The following EPHA6 variants were observed in gnomAD, a reference collection of about 807,000 sequenced individuals.
The protein encoded by EPHA6 is EPH receptor A6, also known as ephrin type-A receptor 6.
In EPHA6, 50 loss-of-function variants were observed where a neutral mutation model predicts 112.0. The observed-to-expected ratio is 0.45, with a 90% CI of 0.36 to 0.56. The LOEUF (loss-of-function observed/expected upper bound fraction) is 0.56. Among genes scored for constraint, EPHA6 ranks in the 20% least tolerant of loss-of-function variants. The pLI, the probability that EPHA6 is intolerant of heterozygous loss-of-function variation, is 0.00. For synonymous variants in EPHA6, 529 were observed against 490.7 expected (o/e 1.08, Z -1.03); for missense variants, 1,280 against 1,417.4 (o/e 0.90, Z 1.56).
chr3:97,336,034 A>T (rs759745082), intron 5 of EPHA6, among the ~76,000 whole-genome samples: 1 of 152,148 alleles, frequency 6.6e-6, no homozygotes, highest in Non-Finnish European at 1.5e-5. Context: ...TCAAGCACGT[A>T]TCTTAAGTTT....
intron 5 of EPHA6, among the ~76,000 whole-genome samples, chr3:97,341,793 C>T (rs1034865738): frequency 6.6e-6 from 1 of 152,138 alleles, no homozygotes; most frequent in Non-Finnish European, 1.5e-5. Context: ...TCTTTCTCAA[C>T]GTACCTTTCC....
intron 1 of EPHA6, among the ~76,000 whole-genome samples, chr3:96,822,673 A>C (rs1343283441): frequency 2.6e-5 from 4 of 150,968 alleles, no homozygotes; most frequent in Non-Finnish European, 4.4e-5. Context: ...ATAAAAAGTA[A>C]GATACTTTAT....
intron 3 of EPHA6, among the ~76,000 whole-genome samples, chr3:97,150,077 G>A (rs1469624250): frequency 2.6e-5 from 4 of 151,830 alleles, no homozygotes; most frequent in African/African-American, 9.7e-5. Context: ...ATGAGCTTTG[G>A]TGTAGATGCA....
intron 5 of EPHA6, among the ~76,000 whole-genome samples, chr3:97,304,750 T>C (rs1170165349): frequency 6.6e-6 from 1 of 152,026 alleles, no homozygotes; most frequent in Non-Finnish European, 1.5e-5. Context: ...TAACTCAAGA[T>C]GGATTACAGA....
intron 5 of EPHA6, among the ~76,000 whole-genome samples, chr3:97,284,995 G>A (rs1228783911): frequency 6.6e-6 from 1 of 152,064 alleles, no homozygotes; most frequent in African/African-American, 2.4e-5. Context: ...ATTGGAACTA[G>A]TAGTTTTGGG....
intron 5 of EPHA6, among the ~76,000 whole-genome samples, chr3:97,341,699 C>A (rs2083312924): frequency 6.6e-6 from 1 of 152,050 alleles, no homozygotes; most frequent in Non-Finnish European, 1.5e-5. Context: ...ATATAAAATT[C>A]ATTCTTTATA....
Position 97,584,290 on chromosome 3 carries a change from C to G in EPHA6, c.2387-8322C>G, listed in dbSNP as rs569976358. ...GAGAATAAGACATACACAACTCATT[C>G]CTTATGCTTAAGAGTTCACAGCCTA... is the stretch of plus-strand genomic sequence containing the variant. On this transcript the variant is annotated intron_variant, in intron 11 of 17. Transcript: ENST00000389672. Among the ~76,000 whole-genome samples, 26 of 152,272 alleles carry G rather than the reference C, an allele frequency of 1.7e-4. No individual in the cohort carries two copies. In the South Asian group the frequency reaches 5.2e-3, roughly 30 times the overall value.
intron 10 of EPHA6, among the ~76,000 whole-genome samples, chr3:97,518,042 C>T (rs2092474674): frequency 6.6e-6 from 1 of 152,112 alleles, no homozygotes; most frequent in Non-Finnish European, 1.5e-5. Flanking sequence ...GTGAATAATG[C>T]TACAGTGAAC....
At chr3:96,927,080 G>A (rs942953807) in intron 2 of EPHA6, among the ~76,000 whole-genome samples, 4 of 152,196 alleles carry the variant, frequency 2.6e-5, no homozygotes, top group East Asian at 1.9e-4. Flanking sequence ...AGAGGTTCCC[G>A]AACCTTAATT....
At chr3:96,904,285 T>G (rs1267840017) in intron 2 of EPHA6, among the ~76,000 whole-genome samples, 1 of 151,696 alleles carries the variant, frequency 6.6e-6, no homozygotes, top group Admixed American at 6.6e-5. Context: ...TGATAAAAAA[T>G]GATGAGTTCA....
chr3:97,181,986 C>A lies in EPHA6; in HGVS notation c.1115-44278C>A, dbSNP rs144376076. ...CACAGCTGAGCCAATTAGATCCCAT[C>A]TTCTTTAATTTAAACTTGGAATGGA... On this transcript the variant is annotated intron_variant, in intron 3 of 17. Transcript: ENST00000389672. Among the ~76,000 whole-genome samples, 406 of 152,108 alleles carry A rather than the reference C, an allele frequency of 2.7e-3. 7 individuals carry two copies. The highest frequency in any genetic ancestry group is 4.9e-4 in the Non-Finnish European group (33 of 67,994).
intron 5 of EPHA6, among the ~76,000 whole-genome samples, chr3:97,358,051 G>T (rs2084175567): frequency 6.6e-6 from 1 of 152,050 alleles, no homozygotes; most frequent in Admixed American, 6.6e-5. Flanking sequence ...AAAACAATCT[G>T]CATAGGAGTG....
intron 3 of EPHA6, among the ~76,000 whole-genome samples, chr3:97,020,739 C>T (rs1235613083): frequency 6.6e-6 from 1 of 152,128 alleles, no homozygotes; most frequent in Non-Finnish European, 1.5e-5. Context: ...AAGGGGATCT[C>T]AAAATATAGA....
chr3:97,439,377 A>C (rs1027985270), intron 6 of EPHA6, among the ~76,000 whole-genome samples: 10 of 152,144 alleles, frequency 6.6e-5, no homozygotes, highest in African/African-American at 2.2e-4. Flanking sequence ...ATATTTTGCA[A>C]TTTTGCCACA....
At chr3:97,625,212 G>A (rs533333014) in intron 13 of EPHA6, among the ~76,000 whole-genome samples, 46 of 151,636 alleles carry the variant, frequency 3.0e-4, no homozygotes, top group Non-Finnish European at 3.8e-4. Flanking sequence ...TGCTTTGGAC[G>A]TGTGTCCTAC....
intron 8 of EPHA6, 92 bp downstream of exon 8, chr3:97,475,552 C>T (rs1577513457): frequency 2.3e-6 from 2 of 879,466 alleles, no homozygotes; most frequent in East Asian, 2.7e-5. Flanking sequence ...TATAACAAAG[C>T]ACACCTGAGG....
chr3:96,914,137 A>G (rs2039372320), intron 2 of EPHA6, among the ~76,000 whole-genome samples: 1 of 152,288 alleles, frequency 6.6e-6, no homozygotes, highest in Admixed American at 6.5e-5. Context: ...TGCCGGCACA[A>G]AAGAATGCAT....
At chr3:96,952,955 C>A (rs556537213) in intron 2 of EPHA6, among the ~76,000 whole-genome samples, 17 of 152,148 alleles carry the variant, frequency 1.1e-4, no homozygotes, top group South Asian at 4.1e-4. Context: ...GTTCAACAAA[C>A]CCCCGTGACA....
intron 3 of EPHA6, among the ~76,000 whole-genome samples, chr3:97,126,956 G>C (rs1168905378): frequency 6.7e-6 from 1 of 149,088 alleles, no homozygotes; most frequent in African/African-American, 2.5e-5. Context: ...AATTAAAACT[G>C]AAGAACACAA....
Sources: allele counts gnomAD v4.1 joint callset (sites outside exome capture counted in the v4.1 genomes callset), GRCh38; gene constraint gnomAD v4.1.1; transcripts MANE v1.5; gene names NCBI Gene and HGNC (gene_info 2026-07-23, HGNC 2026-07-21).